Variants in DLG2 observed in about 807,000 individuals in gnomAD.
The protein encoded by DLG2 is disks large homolog 2.
In DLG2, 45 loss-of-function variants were observed where a neutral mutation model predicts 132.5. That is an observed-to-expected ratio of 0.34 (90% CI 0.27 to 0.44). The LOEUF (loss-of-function observed/expected upper bound fraction) is 0.44, where lower values mean the gene tolerates loss of function less well. Among genes scored for constraint, DLG2 ranks in the 20% least tolerant of loss-of-function variants. DLG2 has a pLI of 1.00. For synonymous variants in DLG2, 424 were observed against 419.6 expected, an observed-to-expected ratio of 1.01 and a Z score of -0.13; for missense variants, 1,045 against 1,196.9, an observed-to-expected ratio of 0.87 and a Z score of 1.87.
chr11:84,730,954 G>A (rs1267868490), intron 6 of DLG2, among the ~76,000 whole-genome samples: 1 of 151,974 alleles, frequency 6.6e-6, no homozygotes, highest in Non-Finnish European at 1.5e-5. Flanking sequence ...TTCTGTTAAT[G>A]AGCTGCAAGC....
chr11:84,425,636 C>T (rs2098963919), intron 7 of DLG2, among the ~76,000 whole-genome samples: 1 of 152,062 alleles, frequency 6.6e-6, no homozygotes, highest in African/African-American at 2.4e-5. Context: ...ATGCTATATG[C>T]TGAGATAACA....
intron 8 of DLG2, among the ~76,000 whole-genome samples, chr11:84,220,971 T>TC (rs914184676): frequency 1.3e-5 from 2 of 149,878 alleles, no homozygotes; most frequent in Admixed American, 6.6e-5. Flanking sequence ...TTTTTTTTTT[T>TC]ACTTTTTTTT....
At chr11:83,736,738 G>T (rs189483712) in intron 18 of DLG2, among the ~76,000 whole-genome samples, 2 of 151,832 alleles carry the variant, frequency 1.3e-5, no homozygotes, top group Admixed American at 6.6e-5. Context: ...AGAATAAGAA[G>T]AAGAAGAAAA....
intron 3 of DLG2, among the ~76,000 whole-genome samples, chr11:85,335,012 A>G (rs1385056987): frequency 6.6e-6 from 1 of 152,118 alleles, no homozygotes; most frequent in African/African-American, 2.4e-5. Flanking sequence ...AATACTGTCA[A>G]TGGGGTATTG....
At chr11:83,922,083 C>T (rs1489661383) in intron 15 of DLG2, among the ~76,000 whole-genome samples, 1 of 152,096 alleles carries the variant, frequency 6.6e-6, no homozygotes, top group Non-Finnish European at 1.5e-5. Flanking sequence ...TTGTCCTTTA[C>T]ATTACAAAAT....
intron 18 of DLG2, among the ~76,000 whole-genome samples, chr11:83,703,499 A>G (rs1056840810): frequency 7.9e-5 from 12 of 152,090 alleles, no homozygotes; most frequent in Non-Finnish European, 1.5e-4. Context: ...AAAATACAAC[A>G]TTAGCCAGGT....
chr11:84,966,920 A>G (rs1197984587), intron 6 of DLG2, among the ~76,000 whole-genome samples: 1 of 152,170 alleles, frequency 6.6e-6, no homozygotes, highest in Admixed American at 6.6e-5. Context: ...CTGGAAATCC[A>G]GTAATTAAAC....
intron 7 of DLG2, among the ~76,000 whole-genome samples, chr11:84,431,208 A>G (rs905121090): frequency 6.6e-6 from 1 of 152,192 alleles, no homozygotes; most frequent in African/African-American, 2.4e-5. Flanking sequence ...TACACATAAC[A>G]TATATATACA....
intron 6 of DLG2, among the ~76,000 whole-genome samples, chr11:85,011,127 A>T (rs2059118528): frequency 6.6e-6 from 1 of 152,146 alleles, no homozygotes; most frequent in African/African-American, 2.4e-5. Context: ...ACTTACAAAC[A>T]AGCCTTGAGC....
chr11:84,797,467 C>T (rs2074791337), intron 6 of DLG2, among the ~76,000 whole-genome samples: 1 of 152,170 alleles, frequency 6.6e-6, no homozygotes, highest in Non-Finnish European at 1.5e-5. Flanking sequence ...TGTCTTCAAG[C>T]TCACGATTTC....
At chr11:84,867,418 T>TA (rs1461027129) in intron 6 of DLG2, among the ~76,000 whole-genome samples, 1 of 152,188 alleles carries the variant, frequency 6.6e-6, no homozygotes, top group Non-Finnish European at 1.5e-5. Context: ...TCCAGGTAAG[T>TA]AATCTTTGAG....
At chr11:85,054,294 G>T (rs1276229214) in intron 6 of DLG2, among the ~76,000 whole-genome samples, 1 of 150,090 alleles carries the variant, frequency 6.7e-6, no homozygotes, top group African/African-American at 2.4e-5. Context: ...AAGAAAAAAA[G>T]AAATGCAAAT....
chr11:83,728,351 T>C (rs2090402421), intron 18 of DLG2, among the ~76,000 whole-genome samples: 3 of 152,230 alleles, frequency 2.0e-5, no homozygotes, highest in Admixed American at 2.0e-4. Context: ...ATAGCCTCTC[T>C]TCTCACCATC....
rs1250199317 is a variant in DLG2 at position 85,111,742 on chromosome 11, AT to A, written c.283-8del. On this transcript the variant is annotated splice_polypyrimidine_tract_variant and splice_region_variant and intron_variant, in intron 5 of 27. Coordinates refer to ENST00000376104, the MANE Select transcript of DLG2 (RefSeq NM_001142699.3). ...GGCATCTGCCTTGGTTTTGCTGCAAATAAGTAAAAATTATATTATATTCTAT... is the reference window on the plus strand; with the variant it reads ...GGCATCTGCCTTGGTTTTGCTGCAAAAAGTAAAAATTATATTATATTCTAT... 1 of 1,548,934 alleles carries A rather than the reference AT, an allele frequency of 6.5e-7. No homozygotes were observed.
chr11:85,473,664 G>A (rs1215454032), intron 3 of DLG2, among the ~76,000 whole-genome samples: 1 of 151,634 alleles, frequency 6.6e-6, no homozygotes, highest in African/African-American at 2.4e-5. Flanking sequence ...TCAAAAAATA[G>A]AATAAATAAA....
intron 15 of DLG2, among the ~76,000 whole-genome samples, chr11:83,879,681 T>G (rs2065666861): frequency 6.6e-6 from 1 of 152,186 alleles, no homozygotes; most frequent in Non-Finnish European, 1.5e-5. Flanking sequence ...ACACTTAACA[T>G]GAAGTGTCTT....
At chr11:83,601,332 G>C (rs147675009) in intron 19 of DLG2, among the ~76,000 whole-genome samples, 1 of 152,134 alleles carries the variant, frequency 6.6e-6, no homozygotes, top group East Asian at 1.9e-4. Context: ...AAGGTGTTCT[G>C]TATGTAGAAT....
intron 6 of DLG2, among the ~76,000 whole-genome samples, chr11:85,096,416 C>T (rs937374817): frequency 5.3e-5 from 8 of 152,006 alleles, no homozygotes; most frequent in East Asian, 1.9e-4. Flanking sequence ...ACTCCAGACG[C>T]GCCACCTTTA....
intron 18 of DLG2, among the ~76,000 whole-genome samples, chr11:83,664,914 T>A (rs181032856): frequency 6.6e-6 from 1 of 152,358 alleles, no homozygotes. Flanking sequence ...TACTTATGTA[T>A]CTTAAACCTC....
Sources: allele counts gnomAD v4.1 joint callset (sites outside exome capture counted in the v4.1 genomes callset), GRCh38; gene constraint gnomAD v4.1.1; transcripts MANE v1.5; gene names NCBI Gene and HGNC (gene_info 2026-07-23, HGNC 2026-07-21).